Variants in NPHP1 observed in about 807,000 individuals in gnomAD.
NPHP1 encodes nephrocystin-1.
A neutral mutation model predicts 90.4 loss-of-function variants in NPHP1; 70 were observed. The ratio of observed to expected loss-of-function variants is 0.77; its 90% confidence interval spans 0.64 to 0.95. NPHP1 has a LOEUF of 0.95. Among genes scored for constraint, NPHP1 ranks in the 40% least tolerant of loss-of-function variants. NPHP1 has a pLI of 0.00. For missense variants in NPHP1, 764 were observed against 795.9 expected, an observed-to-expected ratio of 0.96 and a Z score of 0.48; for synonymous variants, 256 against 271.7, an observed-to-expected ratio of 0.94 and a Z score of 0.57.
chr2:110,167,664 G>A (rs896774407), intron 6 of NPHP1, among the ~76,000 whole-genome samples: 14 of 152,120 alleles, frequency 9.2e-5, no homozygotes, highest in African/African-American at 3.4e-4. Flanking sequence ...GAACCCCTGA[G>A]GTGATGGTAT....
intron 6 of NPHP1, among the ~76,000 whole-genome samples, chr2:110,165,861 T>C (rs772883664): frequency 2.5e-4 from 38 of 152,236 alleles, no homozygotes; most frequent in Non-Finnish European, 2.8e-4. Flanking sequence ...AAATCTCAAA[T>C]ACCCTGACTT....
At chr2:110,193,233 C>G (rs1423683036) in intron 2 of NPHP1, among the ~76,000 whole-genome samples, 1 of 152,010 alleles carries the variant, frequency 6.6e-6, no homozygotes, top group Non-Finnish European at 1.5e-5. Context: ...AGAGTCAAGG[C>G]CCATCAGTGT....
chr2:110,195,318 T>G (rs1388792322), intron 2 of NPHP1, among the ~76,000 whole-genome samples: 2 of 152,152 alleles, frequency 1.3e-5, no homozygotes, highest in Non-Finnish European at 2.9e-5. Context: ...AGTCTCAGGA[T>G]ACAAAGTCAA....
At position 110,138,361 on chromosome 2, in the gene NPHP1, C is replaced by G. The variant is rs17842059; in HGVS notation, c.1529+5181G>C. Reference sequence around the variant, plus strand: ...AATTAAAGAAGTATCCTTGACCACTCTTTAAATCCTGAATTTCTAGAAACA... The same window carrying G: ...AATTAAAGAAGTATCCTTGACCACTGTTTAAATCCTGAATTTCTAGAAACA... On this transcript the variant is annotated intron_variant, in intron 16 of 19. Transcript: ENST00000445609. Among the ~76,000 whole-genome samples, 828 of 152,204 alleles carry G rather than the reference C, an allele frequency of 5.4e-3. 13 individuals are homozygous for G. The highest frequency in any genetic ancestry group is 0.017 in the African/African-American group (709 of 41,522).
chr2:110,180,132 T>C lies in NPHP1; in HGVS notation c.144-448A>G, dbSNP rs1348237372. Among the ~76,000 whole-genome samples the C allele has an allele frequency of 3.9e-5, 6 of 152,280 alleles. No homozygotes were observed. In the East Asian group the frequency reaches 7.7e-4, roughly 20 times the overall value. ...ACTCCACTTAAAGAAAGAGAAGTTCTACATAGCTTCTCAAGCTATGTGTAC... is the reference window on the plus strand; with the variant it reads ...ACTCCACTTAAAGAAAGAGAAGTTCCACATAGCTTCTCAAGCTATGTGTAC... On this transcript the variant is annotated intron_variant, in intron 2 of 19. Coordinates refer to ENST00000445609, the MANE Select transcript of NPHP1 (RefSeq NM_001128178.3).
In NPHP1 at chr2:110,178,519, T is replaced by C; in HGVS notation, c.233A>G (p.Tyr78Cys). The change falls in exon 4 of 20, where the codon TAT becomes TGT. Residue 78 changes from tyrosine to cysteine, a missense_variant. Coordinates refer to ENST00000445609, the MANE Select transcript of NPHP1 (RefSeq NM_001128178.3). Reference sequence around the variant, plus strand: ...ATGCTCCTCTTCTTTTCTCTGATTATAGTTTGCAACAGGTGCAGATTCATC... The same window carrying C: ...ATGCTCCTCTTCTTTTCTCTGATTACAGTTTGCAACAGGTGCAGATTCATC... Reference protein sequence around the residue: ...KADESAPVANYNQRKEEEHTL... With the variant: ...KADESAPVANCNQRKEEEHTL... The C allele has an allele frequency of 6.2e-7, 1 of 1,613,838 alleles. No homozygotes were observed.
Position 110,168,197 on chromosome 2 carries a change from T to C in NPHP1, c.624+255A>G, listed in dbSNP as rs142565272. 1.8e-3 allele frequency among the ~76,000 whole-genome samples: 270 copies of C among 152,328 alleles called. 2 individuals are homozygous for C. Among genetic ancestry groups the C allele is most frequent in the African/African-American group, 6.2e-3 (256 of 41,588 alleles). Reference sequence around the variant, plus strand: ...AACAATAGACACCTATTATTTGTTATGATCAGCATTAATCCACAAAGCATC... The same window carrying C: ...AACAATAGACACCTATTATTTGTTACGATCAGCATTAATCCACAAAGCATC... On this transcript the variant is annotated intron_variant, in intron 6 of 19. Coordinates refer to ENST00000445609, the MANE Select transcript of NPHP1 (RefSeq NM_001128178.3).
chr2:110,171,276 T>C (rs1320378209), intron 4 of NPHP1, among the ~76,000 whole-genome samples: 1 of 152,184 alleles, frequency 6.6e-6, no homozygotes, highest in East Asian at 1.9e-4. Context: ...GAGCACCTAC[T>C]GTGTGACAGA....
At position 110,204,939 on chromosome 2, in the gene NPHP1, G is replaced by C. The variant is rs977347524; in HGVS notation, c.30C>G (p.Leu10=). The change falls in exon 1 of 20, where the codon CTC becomes CTG. Residue 10 remains leucine (L), a synonymous_variant. Coordinates refer to ENST00000445609, the MANE Select transcript of NPHP1 (RefSeq NM_001128178.3). The part of the protein sequence containing the change: MLARRQRDP[L]QALRRRNQEL... Reference sequence around the variant, plus strand: ...CCTGATTGCGGCGCCGCAGGGCCTGGAGAGGATCTCGCTGTCGTCTCGCCA... The same window carrying C: ...CCTGATTGCGGCGCCGCAGGGCCTGCAGAGGATCTCGCTGTCGTCTCGCCA... The C allele has an allele frequency of 1.9e-6, 3 of 1,614,050 alleles. No individual in the cohort carries two copies. Among genetic ancestry groups the C allele is most frequent in the Non-Finnish European group, 2.5e-6 (3 of 1,179,948 alleles).
At chr2:110,124,129 T>C (rs1455243711) in intron 19 of NPHP1, 66 bp from the exon 20 acceptor site, 17 of 1,591,638 alleles carry the variant, frequency 1.1e-5, no homozygotes, top group Middle Eastern at 1.7e-4. Flanking sequence ...GTGAACTCTA[T>C]TAACTAAAAG....
intron 17 of NPHP1, among the ~76,000 whole-genome samples, chr2:110,130,942 T>C (rs1679731682): frequency 6.6e-6 from 1 of 152,174 alleles, no homozygotes; most frequent in Admixed American, 6.5e-5. Flanking sequence ...AAATTATGTG[T>C]TTGAGGCCTG....
chr2:110,150,369 G>A, intron 11 of NPHP1, 113 bp from the exon 12 acceptor site: 1 of 928,382 alleles, frequency 1.1e-6, no homozygotes, highest in Non-Finnish European at 1.8e-6. Flanking sequence ...ATGGCAAGGG[G>A]AGAACTTTCA....
At chr2:110,137,079 T>A (rs989105204) in intron 16 of NPHP1, among the ~76,000 whole-genome samples, 7 of 152,082 alleles carry the variant, frequency 4.6e-5, no homozygotes, top group Admixed American at 3.9e-4. Context: ...GGGGAAAGGA[T>A]TCCCTATTTA....
rs573492152 is a variant in NPHP1, at chr2:110,156,002, A to T, written c.1083+4125T>A. ...TCACCCAGATCTCATCTTGACTTGTAACTCCCTCAATTCTCACATGTCGTG... is the reference window on the plus strand; with the variant it reads ...TCACCCAGATCTCATCTTGACTTGTTACTCCCTCAATTCTCACATGTCGTG... On this transcript the variant is annotated intron_variant, in intron 11 of 19. Transcript: ENST00000445609. 3.3e-5 allele frequency among the ~76,000 whole-genome samples: 5 copies of T among 152,060 alleles called. No individual in the cohort carries two copies. In the East Asian group the frequency reaches 9.7e-4, roughly 29 times the overall value.
chr2:110,172,334 T>A (rs570178393), intron 4 of NPHP1, among the ~76,000 whole-genome samples: 1 of 152,276 alleles, frequency 6.6e-6, no homozygotes, highest in South Asian at 2.1e-4. Flanking sequence ...TGATATTGCC[T>A]ACTGTATGTC....
intron 2 of NPHP1, among the ~76,000 whole-genome samples, chr2:110,200,999 A>G (rs943870126): frequency 6.6e-6 from 1 of 152,192 alleles, no homozygotes. Flanking sequence ...GATGTAGTTC[A>G]TCACGTCTAT....
intron 3 of NPHP1, 102 bp downstream of exon 3, chr2:110,179,522 A>C: frequency 1.5e-6 from 1 of 652,576 alleles, no homozygotes; most frequent in Non-Finnish European, 2.8e-6. Context: ...CTATATCACT[A>C]ACGTAAACCC....
At chr2:110,160,293 T>G in intron 10 of NPHP1, 38 bp from the exon 11 acceptor site, 1 of 1,512,788 alleles carries the variant, frequency 6.6e-7, no homozygotes, top group East Asian at 2.3e-5. Context: ...TTTATTTTTA[T>G]GATTTCTAAC....
chr2:110,161,468 C>T (rs571905866), intron 10 of NPHP1, 135 bp downstream of exon 10: 61 of 626,084 alleles, frequency 9.7e-5, no homozygotes, highest in African/African-American at 9.7e-4. Flanking sequence ...ATAAAAATAT[C>T]GCTATTTTCA....
Sources: gnomAD v4.1 joint callset for allele counts (sites outside exome capture counted in the v4.1 genomes callset) on GRCh38, gnomAD v4.1.1 for gene constraint, MANE v1.5 for transcripts, NCBI Gene and HGNC (gene_info 2026-07-23, HGNC 2026-07-21) for gene names.